The following GREB1L variants were observed in gnomAD, a reference collection of about 807,000 sequenced individuals.
GREB1L encodes the protein GREB1 like retinoic acid receptor coactivator, also known as GREB1-like protein.
GREB1L carries 17 observed loss-of-function variants against 200.8 expected under a neutral mutation model. The observed-to-expected ratio is 0.08, with a 90% CI of 0.06 to 0.13. The LOEUF (loss-of-function observed/expected upper bound fraction) is 0.13. Ranked by LOEUF, GREB1L falls within the 10% of genes least tolerant of loss-of-function variation. The pLI, the probability that GREB1L is intolerant of heterozygous loss-of-function variation, is 1.00. For missense variants in GREB1L, 1,657 were observed against 2,367.7 expected, an observed-to-expected ratio of 0.70 and a Z score of 6.23; for synonymous variants, 789 against 893.0, an observed-to-expected ratio of 0.88 and a Z score of 2.08.
chr18:21,510,236 G>A (rs1188094974), intron 27 of GREB1L, among the ~76,000 whole-genome samples: 1 of 151,050 alleles, frequency 6.6e-6, no homozygotes, highest in African/African-American at 2.4e-5. Flanking sequence ...AAAAAGTACT[G>A]CTTTAATACT....
intron 4 of GREB1L, chr18:21,387,719 G>A (rs1278925575): frequency 6.6e-6 from 1 of 152,130 alleles, no homozygotes; most frequent in Non-Finnish European, 1.5e-5. Context: ...AATATTTGAT[G>A]TTTATTAGAC....
chr18:21,410,310 T>C (rs2030808180), intron 7 of GREB1L, among the ~76,000 whole-genome samples: 1 of 152,054 alleles, frequency 6.6e-6, no homozygotes, highest in Admixed American at 6.6e-5. Flanking sequence ...TAGAAAAATA[T>C]GTCAAATTAT....
chr18:21,336,956 G>A (rs2039194834), intron 1 of GREB1L, among the ~76,000 whole-genome samples: 1 of 151,450 alleles, frequency 6.6e-6, no homozygotes, highest in Non-Finnish European at 1.5e-5. Flanking sequence ...TCAGTAATTA[G>A]TATTCAATAA....
chr18:21,394,562 T>C (rs1010493795), intron 4 of GREB1L, among the ~76,000 whole-genome samples: 1 of 152,200 alleles, frequency 6.6e-6, no homozygotes, highest in Non-Finnish European at 1.5e-5. Flanking sequence ...AAAGTGGTTA[T>C]GTAAGATTTT....
intron 5 of GREB1L, among the ~76,000 whole-genome samples, chr18:21,396,466 C>T (rs1280095027): frequency 1.3e-5 from 2 of 152,188 alleles, no homozygotes; most frequent in African/African-American, 4.8e-5. Context: ...AGAATTCACT[C>T]TCTATAGTCA....
At chr18:21,326,801 A>C (rs2039029018) in intron 1 of GREB1L, among the ~76,000 whole-genome samples, 1 of 152,216 alleles carries the variant, frequency 6.6e-6, no homozygotes, top group African/African-American at 2.4e-5. Context: ...TCCCATTTAG[A>C]AACTTCCCGA....
chr18:21,516,023 C>T (rs990940273), intron 29 of GREB1L, among the ~76,000 whole-genome samples: 3 of 151,442 alleles, frequency 2.0e-5, no homozygotes, highest in African/African-American at 4.8e-5. Flanking sequence ...CCCTCCTTCA[C>T]CCTCCAGACT....
intron 1 of GREB1L, among the ~76,000 whole-genome samples, chr18:21,291,377 C>A (rs2038447813): frequency 2.6e-5 from 4 of 152,166 alleles, no homozygotes; most frequent in Admixed American, 2.0e-4. Flanking sequence ...CGCTATCTAC[C>A]CTTCACTCAC....
intron 7 of GREB1L, among the ~76,000 whole-genome samples, chr18:21,422,608 C>G (rs1176747836): frequency 2.6e-5 from 4 of 152,126 alleles, no homozygotes; most frequent in African/African-American, 4.8e-5. Flanking sequence ...AAAGATCTTT[C>G]CAAATCAATA....
At chr18:21,441,941 G>C (rs930914969) in intron 10 of GREB1L, among the ~76,000 whole-genome samples, 1 of 152,204 alleles carries the variant, frequency 6.6e-6, no homozygotes. Context: ...CAGAGGTGTT[G>C]GTTAAGCTGG....
At chr18:21,502,873 ACT>A (rs1441936802) in intron 23 of GREB1L, among the ~76,000 whole-genome samples, 3 of 151,956 alleles carry the variant, frequency 2.0e-5, no homozygotes, top group African/African-American at 7.3e-5. Flanking sequence ...AGTGATCTTG[ACT>A]CTTACTCTGT....
At chr18:21,316,393 A>G (rs965894745) in intron 1 of GREB1L, among the ~76,000 whole-genome samples, 12 of 152,212 alleles carry the variant, frequency 7.9e-5, no homozygotes, top group Non-Finnish European at 1.8e-4. Flanking sequence ...CAAAGAAGGT[A>G]CAATGTTATA....
At chr18:21,287,703 G>A (rs1206664268) in intron 1 of GREB1L, among the ~76,000 whole-genome samples, 1 of 152,024 alleles carries the variant, frequency 6.6e-6, no homozygotes, top group Non-Finnish European at 1.5e-5. Context: ...GGAAGTGGAG[G>A]AAGAGTCTAA....
At chr18:21,334,394 G>C (rs769047067) in intron 1 of GREB1L, among the ~76,000 whole-genome samples, 19 of 152,136 alleles carry the variant, frequency 1.2e-4, no homozygotes, top group Non-Finnish European at 2.8e-4. Context: ...TAAAACTAAA[G>C]TGATGATTCT....
At chr18:21,295,730 G>A (rs1328402613) in intron 1 of GREB1L, among the ~76,000 whole-genome samples, 2 of 152,152 alleles carry the variant, frequency 1.3e-5, no homozygotes, top group South Asian at 4.1e-4. Flanking sequence ...CCTCCTGGAG[G>A]TCTTTCAAGG....
At chr18:21,334,434 GTT>G (rs779348642) in intron 1 of GREB1L, among the ~76,000 whole-genome samples, 69 of 152,276 alleles carry the variant, frequency 4.5e-4, no homozygotes, top group Middle Eastern at 3.4e-3. Context: ...TTAAGAAACA[GTT>G]CCAGGAAAAT....
At chr18:21,345,825 T>A (rs1254620039) in intron 1 of GREB1L, among the ~76,000 whole-genome samples, 1 of 145,826 alleles carries the variant, frequency 6.9e-6, no homozygotes. Context: ...TGAGCTGAGA[T>A]CATGCCATTG....
At chr18:21,422,240 T>C (rs573811547) in intron 7 of GREB1L, among the ~76,000 whole-genome samples, 1 of 152,218 alleles carries the variant, frequency 6.6e-6, no homozygotes, top group African/African-American at 2.4e-5. Context: ...CAAATTCGTG[T>C]CTGAGCAAGG....
intron 15 of GREB1L, among the ~76,000 whole-genome samples, chr18:21,461,046 G>A (rs1032710278): frequency 2.0e-5 from 3 of 149,142 alleles, no homozygotes; most frequent in East Asian, 2.0e-4. Flanking sequence ...GCAGTGAGCC[G>A]AGATCGCATC....
Sources: allele counts gnomAD v4.1 joint callset (sites outside exome capture counted in the v4.1 genomes callset), GRCh38; gene constraint gnomAD v4.1.1; transcripts MANE v1.5; gene names NCBI Gene and HGNC (gene_info 2026-07-23, HGNC 2026-07-21).